Variants in ARSG observed in about 807,000 individuals in gnomAD.
The protein encoded by ARSG is ASG.
In ARSG, 37 loss-of-function variants were observed where a neutral mutation model predicts 50.5. That is an observed-to-expected ratio of 0.73 (90% CI 0.56 to 0.96). ARSG has a LOEUF of 0.96. ARSG is among the 50% of genes least tolerant of loss of function. The pLI is 0.00. For missense variants in ARSG, 629 were observed against 675.3 expected (o/e 0.93, Z 0.76); for synonymous variants, 225 against 254.6 (o/e 0.88, Z 1.11).
intron 1 of ARSG, among the ~76,000 whole-genome samples, chr17:68,294,531 G>A (rs2076138656): frequency 6.6e-6 from 1 of 152,078 alleles, no homozygotes; most frequent in Admixed American, 6.6e-5. Flanking sequence ...GCCTGCTTTT[G>A]GGGGCTGACT....
chr17:68,313,825 C>A (rs952038650), intron 2 of ARSG, among the ~76,000 whole-genome samples: 1 of 151,910 alleles, frequency 6.6e-6, no homozygotes, highest in Non-Finnish European at 1.5e-5. Flanking sequence ...ATTACAGGCA[C>A]CTGCCACTAC....
At chr17:68,294,227 C>T (rs1568428318) in intron 1 of ARSG, among the ~76,000 whole-genome samples, 1 of 152,112 alleles carries the variant, frequency 6.6e-6, no homozygotes, top group South Asian at 2.1e-4. Flanking sequence ...CTTAAGAAGA[C>T]CCCCAACATC....
intron 5 of ARSG, among the ~76,000 whole-genome samples, chr17:68,351,999 T>G (rs1410890096): frequency 1.3e-5 from 2 of 151,826 alleles, no homozygotes; most frequent in African/African-American, 4.8e-5. Context: ...CTGCTGTCTT[T>G]GCTTCTAGCC....
At chr17:68,377,404 A>G (rs750701825) in intron 8 of ARSG, among the ~76,000 whole-genome samples, 4 of 152,234 alleles carry the variant, frequency 2.6e-5, no homozygotes, top group African/African-American at 4.8e-5. Context: ...AAAAGTCTTT[A>G]GCCCTTGCAA....
intron 1 of ARSG, among the ~76,000 whole-genome samples, chr17:68,284,593 C>T (rs1393242261): frequency 6.6e-6 from 1 of 152,080 alleles, no homozygotes; most frequent in Non-Finnish European, 1.5e-5. Flanking sequence ...AGGACACAAC[C>T]TCATCTATCC....
At chr17:68,433,487 G>T in the ARSG span, 1 of 1,614,086 alleles carries the variant, frequency 6.2e-7, no homozygotes, top group Non-Finnish European at 8.5e-7. Flanking sequence ...ACCTGTTCCA[G>T]CTTGAAGATG....
At chr17:68,366,673 A>ATGTGTGTGTGTGTGTGTGTGTGTG (rs555888280) in intron 6 of ARSG, among the ~76,000 whole-genome samples, 25 of 134,872 alleles carry the variant, frequency 1.9e-4, no homozygotes, top group African/African-American at 5.3e-4. Context: ...CTAGGAATTT[A>ATGTGTGTGTGTGTGTGTGTGTGTG]TGTATGTGTG....
intron 6 of ARSG, among the ~76,000 whole-genome samples, chr17:68,357,116 G>A (rs1354646559): frequency 6.6e-6 from 1 of 152,090 alleles, no homozygotes; most frequent in African/African-American, 2.4e-5. Flanking sequence ...TCAAGGGTAG[G>A]GCCTGCCCAC....
chr17:68,448,195 C>T, the ARSG span: 1 of 152,204 alleles, frequency 6.6e-6, no homozygotes, highest in African/African-American at 2.4e-5. Flanking sequence ...CCGGACACCA[C>T]AGAATCCCTA....
chr17:68,261,877 G>A (rs539264829), intron 1 of ARSG, among the ~76,000 whole-genome samples: 35 of 152,236 alleles, frequency 2.3e-4, no homozygotes, highest in African/African-American at 7.9e-4. Flanking sequence ...GAGAGGCTGG[G>A]CGTGGTGGCT....
intron 2 of ARSG, among the ~76,000 whole-genome samples, chr17:68,317,829 C>A (rs537100525): frequency 5.3e-4 from 80 of 152,302 alleles, no homozygotes; most frequent in African/African-American, 1.8e-3. Flanking sequence ...CCAGGCGCAG[C>A]AGCTCATGCC....
At chr17:68,362,431 G>A (rs1281188376) in intron 6 of ARSG, among the ~76,000 whole-genome samples, 3 of 152,102 alleles carry the variant, frequency 2.0e-5, no homozygotes, top group African/African-American at 7.2e-5. Context: ...CCAGGGCTAT[G>A]TTCTCTGCCT....
At chr17:68,393,326 G>A (rs759219256) in intron 9 of ARSG, among the ~76,000 whole-genome samples, 4 of 152,166 alleles carry the variant, frequency 2.6e-5, no homozygotes, top group Non-Finnish European at 4.4e-5. Context: ...ACCCTGTAAC[G>A]CCCTGGACGA....
intron 2 of ARSG, among the ~76,000 whole-genome samples, chr17:68,341,619 G>A (rs752208375): frequency 6.6e-6 from 1 of 152,178 alleles, no homozygotes; most frequent in Non-Finnish European, 1.5e-5. Flanking sequence ...TCCATGTCCT[G>A]TGGCTCTATT....
At chr17:68,396,180 C>T (rs1463549065) in intron 10 of ARSG, among the ~76,000 whole-genome samples, 1 of 152,082 alleles carries the variant, frequency 6.6e-6, no homozygotes, top group Admixed American at 6.5e-5. Context: ...CCATGCTCAG[C>T]TAATTTTTGT....
intron 11 of ARSG, among the ~76,000 whole-genome samples, chr17:68,411,072 C>G (rs1432378183): frequency 6.6e-6 from 1 of 152,070 alleles, no homozygotes; most frequent in Non-Finnish European, 1.5e-5. Context: ...TTCAAAAAAC[C>G]AGCTCCTGGA....
intron 6 of ARSG, among the ~76,000 whole-genome samples, chr17:68,366,317 T>C (rs1478609613): frequency 6.6e-6 from 1 of 152,152 alleles, no homozygotes; most frequent in African/African-American, 2.4e-5. Flanking sequence ...GTTTAACAAC[T>C]GGTTTGCAAA....
chr17:68,374,157 CAAAAAAA>C (rs758829709), intron 8 of ARSG, among the ~76,000 whole-genome samples: 1 of 60,532 alleles, frequency 1.7e-5, no homozygotes, highest in Non-Finnish European at 3.6e-5. Context: ...ACTCTGTCTC[CAAAAAAA>C]AAAAAAAAAA....
chr17:68,291,148 C>T (rs1179767865), upstream of ARSG: 2 of 152,174 alleles, frequency 1.3e-5, no homozygotes, highest in Non-Finnish European at 2.9e-5. Flanking sequence ...CTTGGCCTCC[C>T]CCTCCTTATA....
Sources: gnomAD v4.1 joint callset for allele counts (sites outside exome capture counted in the v4.1 genomes callset) on GRCh38, gnomAD v4.1.1 for gene constraint, MANE v1.5 for transcripts, NCBI Gene and HGNC (gene_info 2026-07-23, HGNC 2026-07-21) for gene names.